CFAP44: variants seen among roughly 807,000 people sequenced by gnomAD.
CFAP44 encodes the protein cilia and flagella associated protein 44.
A neutral mutation model predicts 216.2 loss-of-function variants in CFAP44; 134 were observed. The observed-to-expected ratio is 0.62, with a 90% CI of 0.54 to 0.72. The LOEUF (loss-of-function observed/expected upper bound fraction) is 0.72. Ranked by LOEUF, CFAP44 falls within the 30% of genes least tolerant of loss-of-function variation. The probability of loss-of-function intolerance (pLI) is 0.00; values close to 1 mark genes in which losing one functional copy is unlikely to be tolerated. For synonymous variants in CFAP44, 700 were observed against 727.6 expected, an observed-to-expected ratio of 0.96 and a Z score of 0.61; for missense variants, 2,035 against 2,182.1, an observed-to-expected ratio of 0.93 and a Z score of 1.34.
rs533630912 is a variant in CFAP44 at position 113,325,546 on chromosome 3, G to A, written c.4516+899C>T. On this transcript the variant is annotated intron_variant, in intron 28 of 34. Transcript: ENST00000393845. The stretch of plus-strand genomic sequence containing the variant: ...TGCCAGCTCCGCCTCCTGGGTTCAC[G>A]CCATTCTCCTGTCTCAGCCTCCCTA... Among the ~76,000 whole-genome samples the A allele has an allele frequency of 2.2e-3, 341 of 151,790 alleles. 2 individuals are homozygous for A. Among genetic ancestry groups the A allele is most frequent in the African/African-American group, 6.9e-3 (285 of 41,424 alleles).
chr3:113,362,329 G>A (rs1019929713), intron 21 of CFAP44, among the ~76,000 whole-genome samples: 1 of 152,118 alleles, frequency 6.6e-6, no homozygotes, highest in Non-Finnish European at 1.5e-5. Context: ...CACTCCTCGT[G>A]ATGCTCTGGG....
At chr3:113,401,314 T>C (rs766078197) in intron 10 of CFAP44, 27 bp from the exon 11 acceptor site, 2 of 1,561,756 alleles carry the variant, frequency 1.3e-6, no homozygotes, top group Non-Finnish European at 8.6e-7. Flanking sequence ...GTATTTTGTT[T>C]TATCATTTTA....
chr3:113,426,091 C>A, intron 4 of CFAP44, 33 bp downstream of exon 4: 1 of 1,601,628 alleles, frequency 6.2e-7, no homozygotes, highest in Non-Finnish European at 8.5e-7. Context: ...AATGAAAATC[C>A]CAAAATTATA....
At chr3:113,368,098 C>A (rs779624748) in intron 18 of CFAP44, among the ~76,000 whole-genome samples, 1 of 152,114 alleles carries the variant, frequency 6.6e-6, no homozygotes, top group Non-Finnish European at 1.5e-5. Flanking sequence ...TGTGAAAAGA[C>A]CAAATCTACA....
At chr3:113,385,569 G>C (rs113847023) in intron 15 of CFAP44, among the ~76,000 whole-genome samples, 1 of 151,990 alleles carries the variant, frequency 6.6e-6, no homozygotes, top group Non-Finnish European at 1.5e-5. Flanking sequence ...TACAGCTGTC[G>C]GTGGACTGCT....
Position 113,330,482 on chromosome 3 carries a change from T to C in CFAP44, c.3802A>G (p.Arg1268Gly). 1 of 1,537,260 alleles carries C rather than the reference T, an allele frequency of 6.5e-7. No homozygotes were observed. Residue 1268 changes from arginine to glycine, a missense_variant, in exon 26 of 35, where the codon AGA becomes GGA. Around this residue, in one of 3 missense-constraint regions of CFAP44, gnomAD observed 1,883 missense variants for 2,023.7 expected, o/e 0.93. Coordinates refer to ENST00000393845, the MANE Select transcript of CFAP44 (RefSeq NM_001164496.2). Reference protein sequence around the residue: ...QIHPEEVPEKRFQYDEETLLN... With the variant: ...QIHPEEVPEKGFQYDEETLLN... ...AGAGTTTCTTCATCATACTGAAATC[T>C]CTTTTCTGGAACTTCTTCTGGGTGT...
At chr3:113,386,590 G>T (rs936523762) in intron 15 of CFAP44, among the ~76,000 whole-genome samples, 3 of 152,172 alleles carry the variant, frequency 2.0e-5, no homozygotes, top group African/African-American at 7.2e-5. Flanking sequence ...CTACTGAAGG[G>T]CAAGGTGGTT....
In CFAP44 at chr3:113,396,641, C is replaced by A. The variant is rs377529770; in HGVS notation, c.1656G>T (p.Thr552=). 5 of 1,613,988 alleles carry A rather than the reference C, an allele frequency of 3.1e-6. No individual in the cohort carries two copies. Among genetic ancestry groups the A allele is most frequent in the East Asian group, 2.2e-5 (1 of 44,882 alleles). ...ILELYDPKGL[T]IFAGRKKILD... is the part of the protein sequence containing the mutation. ...AAATTTTCTTCCGTCCCGCAAAAAT[C>A]GTGAGCCCTTTTGGATCATAAAGTT... Residue 552 remains threonine, a synonymous_variant, in exon 14 of 35, where the codon ACG becomes ACT. Coordinates refer to ENST00000393845, the MANE Select transcript of CFAP44 (RefSeq NM_001164496.2).
At chr3:113,406,865 G>T (rs1007742041) in intron 8 of CFAP44, 62 bp downstream of exon 8, 4 of 1,142,884 alleles carry the variant, frequency 3.5e-6, no homozygotes, top group Non-Finnish European at 5.2e-6. Context: ...TCATATATGT[G>T]TGCTTTCATA....
chr3:113,382,402 A>G (rs1264994862), intron 15 of CFAP44, among the ~76,000 whole-genome samples: 2 of 152,222 alleles, frequency 1.3e-5, no homozygotes, highest in Non-Finnish European at 2.9e-5. Flanking sequence ...TGATGAGACT[A>G]GAAGTCAGGT....
At chr3:113,430,952 G>C (rs1321187349) in intron 2 of CFAP44, among the ~76,000 whole-genome samples, 1 of 152,082 alleles carries the variant, frequency 6.6e-6, no homozygotes, top group Non-Finnish European at 1.5e-5. Context: ...TGGTTTAGCT[G>C]GTACACTCGA....
At chr3:113,300,767 G>A (rs1949926901) in intron 32 of CFAP44, among the ~76,000 whole-genome samples, 1 of 151,930 alleles carries the variant, frequency 6.6e-6, no homozygotes, top group South Asian at 2.1e-4. Context: ...CCTTATTAGT[G>A]GTTAGGAAAA....
intron 2 of CFAP44, among the ~76,000 whole-genome samples, chr3:113,429,566 C>T (rs1935049274): frequency 6.6e-6 from 1 of 151,960 alleles, no homozygotes; most frequent in African/African-American, 2.4e-5. Context: ...TTTTATTAGC[C>T]ATGCTGATAA....
intron 18 of CFAP44, among the ~76,000 whole-genome samples, chr3:113,370,578 C>A (rs1933117596): frequency 2.0e-5 from 3 of 152,090 alleles, no homozygotes. Flanking sequence ...AAGGAATGTA[C>A]CTCAAAATGA....
intron 21 of CFAP44, 109 bp downstream of exon 21, chr3:113,363,036 A>T (rs1950556123): frequency 1.4e-6 from 2 of 1,397,950 alleles, no homozygotes. Context: ...TGAAAGAAAC[A>T]AACAAAAAAG....
At chr3:113,306,901 T>TTG (rs1264216305) in intron 29 of CFAP44, among the ~76,000 whole-genome samples, 3 of 152,228 alleles carry the variant, frequency 2.0e-5, no homozygotes, top group Non-Finnish European at 4.4e-5. Flanking sequence ...GGCATTAGGT[T>TTG]TGTGTGCTCT....
intron 22 of CFAP44, among the ~76,000 whole-genome samples, chr3:113,351,445 T>C (rs1950443922): frequency 1.3e-5 from 2 of 152,168 alleles, no homozygotes; most frequent in South Asian, 4.1e-4. Context: ...ATTATCCTAC[T>C]ACCACACACT....
chr3:113,373,068 T>C (rs182469021), intron 18 of CFAP44, among the ~76,000 whole-genome samples: 140 of 152,346 alleles, frequency 9.2e-4, no homozygotes, highest in Admixed American at 8.8e-3. Flanking sequence ...TTCTCAATTA[T>C]TAAAGGGCTA....
rs1404424900 is a variant in CFAP44 at position 113,289,273 on chromosome 3, G to A, written c.*2284C>T. 1 of 152,256 alleles carries A rather than the reference G, an allele frequency of 6.6e-6. No individual in the cohort carries two copies. The highest frequency in any genetic ancestry group is 1.5e-5 in the Non-Finnish European group (1 of 68,046). The allele number at this position is 152,256 out of a possible 1,614,324, so 9.4% of individuals were successfully genotyped here. ...TCGTCAATTCCCAAACATGCGGAAT[G>A]AAGCCCTGAATATTGTAGAATTAAC... On this transcript the variant is annotated 3_prime_UTR_variant, in exon 35 of 35. Transcript: ENST00000393845.
Sources: gnomAD v4.1 joint callset for allele counts (sites outside exome capture counted in the v4.1 genomes callset) on GRCh38, gnomAD v4.1.1 for gene constraint, gnomAD v4.1.1 regional missense constraint, MANE v1.5 for transcripts, NCBI Gene and HGNC (gene_info 2026-07-23, HGNC 2026-07-21) for gene names.